The following CSMD2 variants were observed in gnomAD, a reference collection of about 807,000 sequenced individuals.
The protein encoded by CSMD2 is CUB and sushi domain-containing protein 2.
Under a neutral mutation model 398.5 loss-of-function variants are expected in CSMD2, and 130 were observed. The observed-to-expected ratio is 0.33, with a 90% confidence interval of 0.28 to 0.38. The LOEUF (loss-of-function observed/expected upper bound fraction) is 0.38, where lower values mean the gene tolerates loss of function less well. Ranked by LOEUF, CSMD2 falls within the 10% of genes least tolerant of loss-of-function variation. The pLI, the probability that CSMD2 is intolerant of heterozygous loss-of-function variation, is 1.00. For synonymous variants in CSMD2, 1,828 were observed against 1,908.5 expected, an observed-to-expected ratio of 0.96 and a Z score of 1.10; for missense variants, 3,829 against 4,764.9, an observed-to-expected ratio of 0.80 and a Z score of 5.78.
At chr1:33,786,801 T>TA (rs1653592149) in intron 12 of CSMD2, among the ~76,000 whole-genome samples, 1 of 152,138 alleles carries the variant, frequency 6.6e-6, no homozygotes. Context: ...CTCCTATTCT[T>TA]AAAAAATCTC....
chr1:34,020,901 T>C (rs1222824726), intron 3 of CSMD2, among the ~76,000 whole-genome samples: 1 of 152,044 alleles, frequency 6.6e-6, no homozygotes, highest in Admixed American at 6.6e-5. Flanking sequence ...ACCCTGCAGC[T>C]TGTATGAGGA....
intron 22 of CSMD2, among the ~76,000 whole-genome samples, chr1:33,704,718 C>A (rs531758958): frequency 2.6e-5 from 4 of 152,140 alleles, no homozygotes; most frequent in Non-Finnish European, 5.9e-5. Context: ...CTAATTTTGA[C>A]ACATCCTCAC....
chr1:33,642,796 C>A (rs1160293611), intron 29 of CSMD2, among the ~76,000 whole-genome samples: 1 of 152,000 alleles, frequency 6.6e-6, no homozygotes, highest in Non-Finnish European at 1.5e-5. Context: ...AATAAGTTAC[C>A]CCTTTGTTTG....
intron 1 of CSMD2, among the ~76,000 whole-genome samples, chr1:34,162,637 T>C (rs1219489458): frequency 6.6e-6 from 1 of 151,976 alleles, no homozygotes; most frequent in East Asian, 1.9e-4. Flanking sequence ...GGCAGGCGGA[T>C]CACCTGAAGT....
At chr1:34,103,568 T>C (rs994378693) in intron 1 of CSMD2, among the ~76,000 whole-genome samples, 8 of 152,152 alleles carry the variant, frequency 5.3e-5, no homozygotes, top group Non-Finnish European at 8.8e-5. Flanking sequence ...GTGCTGGGAT[T>C]ACAGGTGTGA....
chr1:33,975,748 G>A (rs541041407), intron 3 of CSMD2, among the ~76,000 whole-genome samples: 3 of 152,284 alleles, frequency 2.0e-5, no homozygotes, highest in South Asian at 2.1e-4. Context: ...CTCCACTGAC[G>A]CTCCAGTGGC....
In CSMD2 at chr1:33,918,288, A is replaced by G; in HGVS notation, c.726T>C (p.Cys242=). 1 of 1,613,894 alleles carries G rather than the reference A, an allele frequency of 6.2e-7. No homozygotes were observed. The highest frequency in any genetic ancestry group is 8.5e-7 in the Non-Finnish European group (1 of 1,179,984). ...PLPSCRADDA[C]GGTLRGQSGI... is the part of the protein sequence containing the mutation. ...CACTCTGGCCCCGCAGGGTCCCACC[A>G]CAGGCATCATCAGCTGTGGGCACAG... The change falls in exon 5 of 71, where the codon TGT becomes TGC. Residue 242 remains cysteine, a synonymous_variant. Coordinates refer to ENST00000373381, the MANE Select transcript of CSMD2 (RefSeq NM_001281956.2).
intron 12 of CSMD2, 82 bp downstream of exon 12, chr1:33,788,518 A>AAG (rs2124846036): frequency 1.2e-6 from 1 of 834,630 alleles, no homozygotes; most frequent in East Asian, 2.5e-5. Flanking sequence ...AAAAAAAAAA[A>AAG]AAAAAAAAAT....
At chr1:33,824,730 G>A (rs1658585558) in intron 7 of CSMD2, among the ~76,000 whole-genome samples, 1 of 152,110 alleles carries the variant, frequency 6.6e-6, no homozygotes, top group African/African-American at 2.4e-5. Context: ...AGCAGGGAGA[G>A]AAGAGGCGGG....
intron 25 of CSMD2, among the ~76,000 whole-genome samples, chr1:33,676,459 A>G (rs1644714788): frequency 6.6e-6 from 1 of 152,234 alleles, no homozygotes; most frequent in African/African-American, 2.4e-5. Context: ...GAAATAAAAG[A>G]GGATACAAAG....
intron 5 of CSMD2, among the ~76,000 whole-genome samples, chr1:33,879,124 C>T (rs1195505931): frequency 3.9e-5 from 6 of 152,254 alleles, no homozygotes; most frequent in African/African-American, 1.4e-4. Context: ...TTTTGCTTAG[C>T]CTTTGCTTGG....
rs1337884240 is a variant in CSMD2 at position 33,678,315 on chromosome 1, A to T, written c.4052+14615T>A. Reference sequence around the variant, plus strand: ...ATAAACCTCTTTTCTTTATAAATTAAAAAAAAAAAAAAAGAAAGAAAGACA... The same window carrying T: ...ATAAACCTCTTTTCTTTATAAATTATAAAAAAAAAAAAAGAAAGAAAGACA... On this transcript the variant is annotated intron_variant, in intron 25 of 70. Transcript: ENST00000373381. 0.011 allele frequency among the ~76,000 whole-genome samples: 11 copies of T among 1,004 alleles called. No homozygotes were observed. In the Admixed American group the frequency reaches 0.12, roughly 11 times the overall value. The allele number at this position is 1,004 out of a possible 152,430, so 0.7% of individuals were successfully genotyped here.
chr1:33,654,361 C>A (rs1418663772), intron 27 of CSMD2, among the ~76,000 whole-genome samples: 1 of 152,176 alleles, frequency 6.6e-6, no homozygotes, highest in Non-Finnish European at 1.5e-5. Flanking sequence ...GAGACTCAAA[C>A]TCACATGGGA....
rs777058143 is a variant in CSMD2 at position 33,521,490 on chromosome 1, A to C, written c.10570T>G (p.Phe3524Val). 1.2e-6 allele frequency: 2 copies of C among 1,613,618 alleles called. No individual in the cohort carries two copies. The highest frequency in any genetic ancestry group is 3.3e-5 in the Admixed American group (2 of 60,028). The change falls in exon 68 of 71, where the codon TTT (phenylalanine) becomes GTT (valine). Residue 3524 changes from phenylalanine to valine, a missense_variant. Around this residue, in one of 5 missense-constraint regions of CSMD2, gnomAD observed 917 missense variants for 1,199.5 expected, o/e 0.76. Coordinates refer to ENST00000373381, the MANE Select transcript of CSMD2 (RefSeq NM_001281956.2). Reference sequence around the variant, plus strand: ...AGTCTTTGAAAGCCGAACTGCCCAAAGCCTTGGCCCTTGACAGAGCCTTGG... The same window carrying C: ...AGTCTTTGAAAGCCGAACTGCCCAACGCCTTGGCCCTTGACAGAGCCTTGG... ...IYQGSVKGQG[F>V]GQFGFQRLDL...
chr1:33,732,489 T>C (rs1646752292), intron 15 of CSMD2, among the ~76,000 whole-genome samples: 1 of 152,170 alleles, frequency 6.6e-6, no homozygotes, highest in Admixed American at 6.5e-5. Context: ...GGGGTGCATG[T>C]GCACAGGAAA....
At chr1:33,663,143 G>T in intron 25 of CSMD2, 51 bp from the exon 26 acceptor site, 1 of 1,519,132 alleles carries the variant, frequency 6.6e-7, no homozygotes, top group Non-Finnish European at 9.1e-7. Context: ...CTTCTTTCCA[G>T]GGGCTTCTGG....
intron 23 of CSMD2, among the ~76,000 whole-genome samples, chr1:33,700,061 T>G (rs1645557758): frequency 6.6e-6 from 1 of 151,778 alleles, no homozygotes; most frequent in Admixed American, 6.6e-5. Flanking sequence ...CAGGCTAGAG[T>G]GCAGTGGCGC....
intron 11 of CSMD2, among the ~76,000 whole-genome samples, chr1:33,790,767 A>G (rs1569955848): frequency 1.3e-5 from 2 of 151,478 alleles, no homozygotes; most frequent in Middle Eastern, 3.4e-3. Context: ...TGTATCATCT[A>G]TCATCTATCA....
intron 29 of CSMD2, among the ~76,000 whole-genome samples, chr1:33,645,406 G>A (rs1643372681): frequency 6.9e-6 from 1 of 145,882 alleles, no homozygotes; most frequent in Non-Finnish European, 1.5e-5. Flanking sequence ...TATAAAATAT[G>A]CATGTATAAA....
Sources: allele counts gnomAD v4.1 joint callset (sites outside exome capture counted in the v4.1 genomes callset), GRCh38; gene constraint gnomAD v4.1.1; regional missense constraint gnomAD v4.1.1; transcripts MANE v1.5; gene names NCBI Gene and HGNC (gene_info 2026-07-23, HGNC 2026-07-21).